The following SNX29 variants were observed in gnomAD, a reference collection of about 807,000 sequenced individuals.
SNX29 encodes the protein sorting nexin 29.
A neutral mutation model predicts 102.1 loss-of-function variants in SNX29; 78 were observed. That is an observed-to-expected ratio of 0.76 (90% CI 0.64 to 0.92). The LOEUF (loss-of-function observed/expected upper bound fraction) is 0.92. Ranked by LOEUF, SNX29 falls within the 40% of genes least tolerant of loss-of-function variation. The pLI is 0.00. For missense variants in SNX29, 1,280 were observed against 1,061.7 expected (o/e 1.21, Z -2.86); for synonymous variants, 580 against 414.5 (o/e 1.40, Z -4.85).
chr16:12,308,524 C>T (rs920568439), intron 15 of SNX29, among the ~76,000 whole-genome samples: 2 of 152,108 alleles, frequency 1.3e-5, no homozygotes, highest in South Asian at 2.1e-4. Context: ...TGGGTGCCAT[C>T]GTCATCCCTC....
At chr16:12,555,909 TTA>T (rs1471551963) in intron 20 of SNX29, among the ~76,000 whole-genome samples, 1 of 152,106 alleles carries the variant, frequency 6.6e-6, no homozygotes, top group East Asian at 1.9e-4. Context: ...GTCTCAAACC[TTA>T]TTTTTGCGTA....
chr16:12,082,371 C>T (rs976982684), intron 11 of SNX29, among the ~76,000 whole-genome samples: 7 of 152,088 alleles, frequency 4.6e-5, no homozygotes, highest in African/African-American at 1.4e-4. Flanking sequence ...CAGATAAACA[C>T]GGTTTGCTTT....
intron 18 of SNX29, among the ~76,000 whole-genome samples, chr16:12,472,662 C>G (rs185048943): frequency 2.0e-5 from 3 of 152,120 alleles, no homozygotes; most frequent in South Asian, 2.1e-4. Context: ...CTGGTAGACG[C>G]TCTTCATCTT....
intron 16 of SNX29, among the ~76,000 whole-genome samples, chr16:12,368,003 A>G (rs1167929621): frequency 3.3e-5 from 5 of 152,216 alleles, no homozygotes; most frequent in Admixed American, 3.3e-4. Context: ...TGTTTTCCTG[A>G]CCATGGCCAA....
intron 14 of SNX29, among the ~76,000 whole-genome samples, chr16:12,277,639 A>G (rs1408433922): frequency 6.6e-6 from 1 of 152,124 alleles, no homozygotes; most frequent in Non-Finnish European, 1.5e-5. Context: ...CAGTGGCACA[A>G]TCATAGCTCA....
intron 16 of SNX29, among the ~76,000 whole-genome samples, chr16:12,374,123 A>T (rs74009002): frequency 0.043 from 6,556 of 152,310 alleles, 271 homozygotes; most frequent in African/African-American, 0.1. Context: ...TCCCCACTGG[A>T]TGGTGGGCTG....
intron 20 of SNX29, among the ~76,000 whole-genome samples, chr16:12,554,374 G>A (rs1042248434): frequency 1.1e-5 from 1 of 89,182 alleles, no homozygotes; most frequent in African/African-American, 1.2e-4. Context: ...TCTTGAAGGT[G>A]TTTCTGTGCC....
chr16:12,312,229 T>A (rs1164615016), intron 15 of SNX29, among the ~76,000 whole-genome samples: 1 of 152,176 alleles, frequency 6.6e-6, no homozygotes, highest in Non-Finnish European at 1.5e-5. Flanking sequence ...GATGAATGAA[T>A]GAATGTCCCC....
intron 19 of SNX29, among the ~76,000 whole-genome samples, chr16:12,512,379 T>TGA (rs2089664245): frequency 3.5e-5 from 1 of 28,704 alleles, no homozygotes; most frequent in Non-Finnish European, 6.3e-5. Flanking sequence ...AATATATATA[T>TGA]ATATATATAT....
chr16:11,999,420 G>A (rs943212683), intron 2 of SNX29, 62 bp downstream of exon 2: 52 of 1,538,086 alleles, frequency 3.4e-5, no homozygotes, highest in Non-Finnish European at 4.2e-5. Flanking sequence ...ATTAATGTAG[G>A]TCATTTCTTC....
At chr16:12,154,166 C>G (rs1288750186) in intron 13 of SNX29, among the ~76,000 whole-genome samples, 1 of 152,140 alleles carries the variant, frequency 6.6e-6, no homozygotes, top group Non-Finnish European at 1.5e-5. Flanking sequence ...TCTTTTTTCC[C>G]TTTCTTCCTT....
chr16:12,539,652 A>C (rs957151677), intron 20 of SNX29, among the ~76,000 whole-genome samples: 27 of 152,198 alleles, frequency 1.8e-4, no homozygotes, highest in African/African-American at 6.3e-4. Context: ...CTGCATTCCC[A>C]CAGCGTATGA....
intron 18 of SNX29, among the ~76,000 whole-genome samples, chr16:12,452,128 AGGT>A (rs1174649213): frequency 6.6e-6 from 1 of 152,208 alleles, no homozygotes; most frequent in African/African-American, 2.4e-5. Context: ...GGCTTAAATG[AGGT>A]AGAACAGCTG....
At chr16:12,045,505 G>GAC (rs2151191425) in intron 5 of SNX29, among the ~76,000 whole-genome samples, 1 of 152,014 alleles carries the variant, frequency 6.6e-6, no homozygotes, top group African/African-American at 2.4e-5. Context: ...AGGCTTCCTT[G>GAC]ACACCCCTAC....
intron 13 of SNX29, among the ~76,000 whole-genome samples, chr16:12,156,239 T>C (rs1364945466): frequency 1.3e-5 from 2 of 152,206 alleles, no homozygotes; most frequent in African/African-American, 4.8e-5. Context: ...AGAGGCGCGA[T>C]CTTGGCTCAC....
intron 20 of SNX29, among the ~76,000 whole-genome samples, chr16:12,553,018 A>G (rs887865807): frequency 6.6e-6 from 1 of 152,228 alleles, no homozygotes; most frequent in African/African-American, 2.4e-5. Context: ...GTGGGATTAG[A>G]TCAGCTTTAA....
chr16:12,438,568 C>T (rs2085647286), intron 18 of SNX29, among the ~76,000 whole-genome samples: 1 of 152,214 alleles, frequency 6.6e-6, no homozygotes, highest in Admixed American at 6.5e-5. Context: ...AGCATTGAGG[C>T]TGCGCCTTGC....
At chr16:12,101,511 G>A (rs948679613) in intron 11 of SNX29, among the ~76,000 whole-genome samples, 2 of 151,780 alleles carry the variant, frequency 1.3e-5, no homozygotes, top group Non-Finnish European at 2.9e-5. Flanking sequence ...AGCCTCCTGG[G>A]TAGCTGGGAT....
rs1316341964 is a variant in SNX29 at position 12,571,519 on chromosome 16, A to C, written c.*2890A>C. On this transcript the variant is annotated 3_prime_UTR_variant, in exon 21 of 21. Coordinates refer to ENST00000566228, the MANE Select transcript of SNX29 (RefSeq NM_032167.5). ...GTGGCCCACCTCTCAAGGGCCTTGG[A>C]TTCCTGGGACCACCCTTTGCTGGGA... The C allele has an allele frequency of 1.4e-6, 1 of 732,790 alleles. No homozygotes were observed. Among genetic ancestry groups the C allele is most frequent in the Non-Finnish European group, 1.7e-6 (1 of 576,102 alleles). The allele number at this position is 732,790 out of a possible 1,614,324, so 45.4% of individuals were successfully genotyped here.
Sources: gnomAD v4.1 joint callset for allele counts (sites outside exome capture counted in the v4.1 genomes callset) on GRCh38, gnomAD v4.1.1 for gene constraint, MANE v1.5 for transcripts, NCBI Gene and HGNC (gene_info 2026-07-23, HGNC 2026-07-21) for gene names.